ATRNL1: variants seen among roughly 807,000 people sequenced by gnomAD.
The protein encoded by ATRNL1 is attractin like 1.
In ATRNL1, 95 loss-of-function variants were observed where a neutral mutation model predicts 182.7. The ratio of observed to expected loss-of-function variants is 0.52; its 90% CI spans 0.44 to 0.62. The LOEUF is 0.62. Among genes scored for constraint, ATRNL1 ranks in the 20% least tolerant of loss-of-function variants. The pLI is 0.00. For synonymous variants in ATRNL1, 576 were observed against 568.3 expected (o/e 1.01, Z -0.19); for missense variants, 1,471 against 1,679.5 (o/e 0.88, Z 2.17).
At chr10:115,740,120 A>AAACG (rs397768233) in intron 27 of ATRNL1, among the ~76,000 whole-genome samples, 1 of 151,354 alleles carries the variant, frequency 6.6e-6, no homozygotes, top group African/African-American at 2.4e-5. Flanking sequence ...TTAGATAAAC[A>AAACG]TTTTCATGTG....
chr10:115,502,634 C>A (rs1291243483), intron 24 of ATRNL1, among the ~76,000 whole-genome samples: 1 of 151,872 alleles, frequency 6.6e-6, no homozygotes, highest in East Asian at 1.9e-4. Context: ...ATTAAGGAGT[C>A]GGTTAATGCT....
At chr10:115,238,866 T>C (rs1042551395) in intron 9 of ATRNL1, among the ~76,000 whole-genome samples, 5 of 152,232 alleles carry the variant, frequency 3.3e-5, no homozygotes, top group Non-Finnish European at 2.9e-5. Flanking sequence ...TTAAATATGA[T>C]GTTTTTATAG....
rs373504912 is a variant in ATRNL1 at position 115,728,073 on chromosome 10, C to A, written c.3903+718C>A. On this transcript the variant is annotated intron_variant, in intron 27 of 28. Transcript: ENST00000355044. ...GGCAGATCACGAGGTCAGGAGATCG[C>A]GACCATCCTGGCTAACATGGTGAAA... is the stretch of plus-strand genomic sequence containing the variant. Among the ~76,000 whole-genome samples the A allele has an allele frequency of 3.6e-5, 5 of 139,624 alleles. No homozygotes were observed. The East Asian group carries it at 6.3e-4, about 18-fold the overall frequency. The allele number at this position is 139,624 out of a possible 152,430, so 91.6% of individuals were successfully genotyped here. A position where few individuals can be genotyped will look rare whatever the true frequency, so the allele number is the denominator to read the frequency against.
intron 19 of ATRNL1, among the ~76,000 whole-genome samples, chr10:115,335,169 A>G (rs1301531514): frequency 1.3e-5 from 2 of 152,190 alleles, no homozygotes; most frequent in Admixed American, 1.3e-4. Context: ...TGTTCTTTAA[A>G]TATAATTTCC....
chr10:115,921,127 T>G (rs962458372), intron 28 of ATRNL1, among the ~76,000 whole-genome samples: 7 of 152,174 alleles, frequency 4.6e-5, no homozygotes, highest in African/African-American at 1.7e-4. Context: ...CCCTGAAGAA[T>G]AGAAGATGGT....
intron 20 of ATRNL1, among the ~76,000 whole-genome samples, chr10:115,419,372 A>C (rs1845551363): frequency 6.6e-6 from 1 of 152,198 alleles, no homozygotes; most frequent in Non-Finnish European, 1.5e-5. Context: ...AAAAAAGGAA[A>C]AAATATCTAG....
chr10:115,901,161 G>T (rs1374769057), intron 28 of ATRNL1, among the ~76,000 whole-genome samples: 2 of 152,032 alleles, frequency 1.3e-5, no homozygotes, highest in Non-Finnish European at 2.9e-5. Context: ...TTGATATTTT[G>T]GTCCTACTAT....
At chr10:115,703,091 G>T (rs922635750) in intron 26 of ATRNL1, among the ~76,000 whole-genome samples, 1 of 151,766 alleles carries the variant, frequency 6.6e-6, no homozygotes, top group Non-Finnish European at 1.5e-5. Context: ...GATAGAGATC[G>T]CAGAAGTAAA....
At chr10:115,363,751 C>T (rs1378342486) in intron 19 of ATRNL1, among the ~76,000 whole-genome samples, 4 of 151,238 alleles carry the variant, frequency 2.6e-5, no homozygotes, top group African/African-American at 9.7e-5. Flanking sequence ...AGCCAGTTTT[C>T]CCAGAACCAT....
At chr10:115,622,985 G>A (rs1196448947) in intron 26 of ATRNL1, among the ~76,000 whole-genome samples, 3 of 151,952 alleles carry the variant, frequency 2.0e-5, no homozygotes, top group Non-Finnish European at 4.4e-5. Context: ...CTGCTAACAG[G>A]TTGTCTTTAT....
At chr10:115,813,399 G>T (rs910176767) in intron 27 of ATRNL1, among the ~76,000 whole-genome samples, 6 of 152,070 alleles carry the variant, frequency 3.9e-5, no homozygotes, top group African/African-American at 1.4e-4. Flanking sequence ...TGTAATTTCT[G>T]TATTTATCAA....
At chr10:115,432,583 G>A (rs1007252405) in intron 21 of ATRNL1, among the ~76,000 whole-genome samples, 3 of 152,118 alleles carry the variant, frequency 2.0e-5, no homozygotes, top group Admixed American at 6.5e-5. Context: ...GTGCAATGTG[G>A]TATTAACTTA....
intron 10 of ATRNL1, among the ~76,000 whole-genome samples, chr10:115,245,401 A>C (rs1437855821): frequency 6.8e-6 from 1 of 147,120 alleles, no homozygotes. Flanking sequence ...CAGGAGGCTG[A>C]GGCAGGAGAA....
rs1245240955 is a variant in ATRNL1 at position 115,302,183 on chromosome 10, G to A, written c.2818+140G>A. On this transcript the variant is annotated intron_variant, in intron 17 of 28. Coordinates refer to ENST00000355044, the MANE Select transcript of ATRNL1 (RefSeq NM_207303.4). ...TTACGGCTACTTTTGAAACCAACTG[G>A]TACTGTTAACCTCTGATTTTTATTA... 4 of 761,766 alleles carry A rather than the reference G, an allele frequency of 5.3e-6. No individual in the cohort carries two copies. The South Asian group carries it at 5.7e-5, about 11-fold the overall frequency. The allele number at this position is 761,766 out of a possible 1,614,324, so 47.2% of individuals were successfully genotyped here. A position where few individuals can be genotyped will look rare whatever the true frequency, so the allele number is the denominator to read the frequency against.
At chr10:115,408,780 A>G (rs1554959073) in intron 20 of ATRNL1, among the ~76,000 whole-genome samples, 1 of 152,088 alleles carries the variant, frequency 6.6e-6, no homozygotes, top group African/African-American at 2.4e-5. Context: ...GTTTAATTCT[A>G]ATGCATATGG....
At chr10:115,592,347 G>T (rs2769404) in intron 26 of ATRNL1, among the ~76,000 whole-genome samples, 45,511 of 152,198 alleles carry the variant, frequency 0.3, 7,932 homozygotes, top group East Asian at 0.68. Context: ...GAGATCGCCA[G>T]TGATGGTGTT....
chr10:115,615,583 C>T (rs1857386724), intron 26 of ATRNL1, among the ~76,000 whole-genome samples: 2 of 151,976 alleles, frequency 1.3e-5, no homozygotes, highest in South Asian at 2.1e-4. Flanking sequence ...ATGTAATCCC[C>T]GTTATTGGAG....
intron 26 of ATRNL1, among the ~76,000 whole-genome samples, chr10:115,551,232 T>C (rs1348975490): frequency 1.3e-5 from 2 of 151,644 alleles, no homozygotes; most frequent in East Asian, 3.9e-4. Context: ...CTTCTCAAAA[T>C]GACAAATTGA....
At chr10:115,480,943 T>C (rs1457749695) in intron 24 of ATRNL1, among the ~76,000 whole-genome samples, 2 of 150,970 alleles carry the variant, frequency 1.3e-5, no homozygotes, top group Non-Finnish European at 3.0e-5. Context: ...AAATTTCTTA[T>C]GACAAACATT....
Sources: gnomAD v4.1 joint callset for allele counts (sites outside exome capture counted in the v4.1 genomes callset) on GRCh38, gnomAD v4.1.1 for gene constraint, MANE v1.5 for transcripts, NCBI Gene and HGNC (gene_info 2026-07-23, HGNC 2026-07-21) for gene names.